C10orf90: variants seen among roughly 807,000 people sequenced by gnomAD.
C10orf90 encodes the protein (E2-independent) E3 ubiquitin-conjugating enzyme FATS.
C10orf90 carries 56 observed loss-of-function variants against 62.5 expected under a neutral mutation model. That is an observed-to-expected ratio of 0.90 (90% CI 0.72 to 1.12). C10orf90 has a LOEUF of 1.12. Among genes scored for constraint, C10orf90 ranks in the 50% most tolerant of loss-of-function variants. C10orf90 has a pLI of 0.00. For synonymous variants in C10orf90, 386 were observed against 340.4 expected, an observed-to-expected ratio of 1.13 and a Z score of -1.47; for missense variants, 970 against 880.4, an observed-to-expected ratio of 1.10 and a Z score of -1.29.
At chr10:126,583,729 G>C (rs1472759603) in intron 2 of C10orf90, among the ~76,000 whole-genome samples, 3 of 152,166 alleles carry the variant, frequency 2.0e-5, no homozygotes, top group Non-Finnish European at 4.4e-5. Flanking sequence ...AGGTCCAGGT[G>C]CCTCTAGTAA....
intron 4 of C10orf90, chr10:126,496,796 G>T: frequency 1.2e-6 from 1 of 837,402 alleles, no homozygotes; most frequent in Non-Finnish European, 1.4e-6. Context: ...GGGCTTTGTT[G>T]GGTCATCAAC....
chr10:126,662,428 A>G (rs1191009765), intron 1 of C10orf90, among the ~76,000 whole-genome samples: 1 of 152,184 alleles, frequency 6.6e-6, no homozygotes, highest in Non-Finnish European at 1.5e-5. Flanking sequence ...CCTACACAGC[A>G]CAGATTAATT....
At chr10:126,601,494 A>T (rs948421832) in intron 2 of C10orf90, among the ~76,000 whole-genome samples, 1 of 152,208 alleles carries the variant, frequency 6.6e-6, no homozygotes, top group South Asian at 2.1e-4. Context: ...TGACACAGGG[A>T]CTGTGCTTTA....
intron 4 of C10orf90, among the ~76,000 whole-genome samples, chr10:126,501,880 A>G (rs1241222009): frequency 6.8e-6 from 1 of 147,728 alleles, no homozygotes; most frequent in African/African-American, 2.7e-5. Context: ...AAAGGCATAC[A>G]GAGTGATATG....
intron 4 of C10orf90, among the ~76,000 whole-genome samples, chr10:126,484,093 T>C (rs999069213): frequency 2.0e-4 from 31 of 152,190 alleles, no homozygotes; most frequent in African/African-American, 7.5e-4. Context: ...TGTGTGCATC[T>C]TGGGGCAAAG....
chr10:126,435,874 A>C (rs1857886837), intron 7 of C10orf90, among the ~76,000 whole-genome samples: 1 of 152,162 alleles, frequency 6.6e-6, no homozygotes, highest in Non-Finnish European at 1.5e-5. Flanking sequence ...CCTGGAAGAC[A>C]GGAAAGTCTC....
Position 126,607,553 on chromosome 10 carries a change from C to A in C10orf90, c.313+39012G>T, listed in dbSNP as rs527582892. On this transcript the variant is annotated intron_variant, in intron 2 of 9. Coordinates refer to ENST00000488181, the MANE Select transcript of C10orf90 (RefSeq NM_001350921.2). ...GAATTTTAAATTAGAATTTTGAGAA[C>A]TTCTGCGTGCCTCCTTTATCCTGAC... is the stretch of plus-strand genomic sequence containing the variant. 8.2e-4 allele frequency among the ~76,000 whole-genome samples: 125 copies of A among 152,308 alleles called. 1 individual carries two copies. Among genetic ancestry groups the A allele is most frequent in the Admixed American group, 1.1e-3 (17 of 15,304 alleles).
At chr10:126,461,374 C>A (rs1455898471) in intron 6 of C10orf90, 27 bp downstream of exon 6, 1 of 1,609,940 alleles carries the variant, frequency 6.2e-7, no homozygotes, top group Admixed American at 1.7e-5. Flanking sequence ...TGGCAGGAAT[C>A]AAGCCAGGAC....
intron 2 of C10orf90, among the ~76,000 whole-genome samples, chr10:126,615,643 T>C (rs1421879719): frequency 6.6e-6 from 1 of 152,160 alleles, no homozygotes; most frequent in Non-Finnish European, 1.5e-5. Context: ...AGCAAACATC[T>C]TTTTTTCAGT....
At chr10:126,572,063 C>T (rs759362378) in intron 2 of C10orf90, among the ~76,000 whole-genome samples, 4 of 152,112 alleles carry the variant, frequency 2.6e-5, no homozygotes, top group Non-Finnish European at 5.9e-5. Flanking sequence ...TTGGATAGGA[C>T]CTGGGTAAAA....
At chr10:126,435,098 C>T (rs1175622376) in intron 7 of C10orf90, among the ~76,000 whole-genome samples, 2 of 152,208 alleles carry the variant, frequency 1.3e-5, no homozygotes, top group Non-Finnish European at 2.9e-5. Flanking sequence ...GACCGTTGCA[C>T]ATAGCAGCTT....
chr10:126,629,402 C>T (rs1004662477), intron 2 of C10orf90, among the ~76,000 whole-genome samples: 4 of 152,126 alleles, frequency 2.6e-5, no homozygotes, highest in Admixed American at 6.5e-5. Flanking sequence ...AACATCTGGC[C>T]AGAGACCATC....
intron 2 of C10orf90, among the ~76,000 whole-genome samples, chr10:126,568,213 G>A (rs779532523): frequency 7.2e-5 from 11 of 152,142 alleles, no homozygotes; most frequent in Admixed American, 2.0e-4. Context: ...AAGTCAGGCC[G>A]GACCCAACCG....
chr10:126,662,320 T>C (rs897428661), intron 1 of C10orf90, among the ~76,000 whole-genome samples: 183 of 152,266 alleles, frequency 1.2e-3, no homozygotes, highest in African/African-American at 4.3e-3. Context: ...GAATGATTCA[T>C]GGCTCTGAGG....
chr10:126,559,805 C>CT (rs1479371045), intron 2 of C10orf90, among the ~76,000 whole-genome samples: 3 of 152,168 alleles, frequency 2.0e-5, no homozygotes, highest in Non-Finnish European at 4.4e-5. Flanking sequence ...AGAGGGTTTC[C>CT]TTCAGCAAGC....
At chr10:126,601,497 G>A (rs1845197626) in intron 2 of C10orf90, among the ~76,000 whole-genome samples, 1 of 152,188 alleles carries the variant, frequency 6.6e-6, no homozygotes, top group African/African-American at 2.4e-5. Flanking sequence ...CACAGGGACT[G>A]TGCTTTACTT....
intron 2 of C10orf90, among the ~76,000 whole-genome samples, chr10:126,629,746 A>G (rs1161273635): frequency 6.6e-6 from 1 of 152,242 alleles, no homozygotes; most frequent in Non-Finnish European, 1.5e-5. Flanking sequence ...GGTGGATATG[A>G]CATCCCTTTC....
intron 4 of C10orf90, among the ~76,000 whole-genome samples, chr10:126,499,372 CAA>C (rs1053056174): frequency 1.4e-4 from 22 of 152,006 alleles, no homozygotes; most frequent in Admixed American, 1.3e-4. Flanking sequence ...CCTTCACAAA[CAA>C]AAGGGAAAAA....
At chr10:126,572,749 G>A (rs1844532407) in intron 2 of C10orf90, among the ~76,000 whole-genome samples, 1 of 152,080 alleles carries the variant, frequency 6.6e-6, no homozygotes, top group Non-Finnish European at 1.5e-5. Flanking sequence ...AGCACTGTAA[G>A]TTTCAGCCTC....
Sources: allele counts gnomAD v4.1 joint callset (sites outside exome capture counted in the v4.1 genomes callset), GRCh38; gene constraint gnomAD v4.1.1; transcripts MANE v1.5; gene names NCBI Gene and HGNC (gene_info 2026-07-23, HGNC 2026-07-21).